Variants in CNTN5 observed in about 807,000 individuals in gnomAD.
CNTN5 encodes contactin-5.
In CNTN5, 77 loss-of-function variants were observed where a neutral mutation model predicts 129.1. The observed-to-expected ratio is 0.60, with a 90% CI of 0.50 to 0.72. CNTN5 has a LOEUF of 0.72. CNTN5 is among the 30% of genes least tolerant of loss of function. The probability of loss-of-function intolerance (pLI) is 0.00; values close to 1 mark genes in which losing one functional copy is unlikely to be tolerated. For missense variants in CNTN5, 1,478 were observed against 1,328.8 expected, an observed-to-expected ratio of 1.11 and a Z score of -1.75; for synonymous variants, 509 against 465.6, an observed-to-expected ratio of 1.09 and a Z score of -1.20.
At chr11:99,455,833 G>A (rs1234799861) in intron 2 of CNTN5, among the ~76,000 whole-genome samples, 2 of 152,128 alleles carry the variant, frequency 1.3e-5, no homozygotes, top group Non-Finnish European at 2.9e-5. Context: ...AAATTTTGAT[G>A]TCATTTAGGC....
At chr11:99,797,397 C>T (rs1480539598) in intron 3 of CNTN5, among the ~76,000 whole-genome samples, 1 of 152,130 alleles carries the variant, frequency 6.6e-6, no homozygotes, top group Non-Finnish European at 1.5e-5. Flanking sequence ...CTTTACACTG[C>T]AGCCTTGCCA....
At chr11:99,441,091 A>G (rs1943811195) in intron 2 of CNTN5, among the ~76,000 whole-genome samples, 1 of 152,168 alleles carries the variant, frequency 6.6e-6, no homozygotes, top group Admixed American at 6.5e-5. Context: ...AGTAGCTGGG[A>G]TTACAGGTAT....
intron 8 of CNTN5, among the ~76,000 whole-genome samples, chr11:99,986,907 G>A (rs1938714228): frequency 6.6e-6 from 1 of 152,118 alleles, no homozygotes. Flanking sequence ...GATGTAATAG[G>A]AATCAAATTG....
chr11:99,143,165 C>T (rs7933061), intron 1 of CNTN5, among the ~76,000 whole-genome samples: 138,260 of 151,946 alleles, frequency 0.91, 63,178 homozygotes, highest in East Asian at 0.99. Flanking sequence ...AGGCAGAAAT[C>T]TTTAACAAGC....
chr11:99,749,875 TG>T (rs1565488284), intron 3 of CNTN5, among the ~76,000 whole-genome samples: 3 of 152,236 alleles, frequency 2.0e-5, no homozygotes, highest in Admixed American at 2.0e-4. Context: ...AACTATGCTT[TG>T]GCCACGGGGA....
rs115207541 is a variant in CNTN5, at chr11:100,002,021, C to G, written c.878-13C>G. On this transcript the variant is annotated splice_polypyrimidine_tract_variant and intron_variant, in intron 8 of 24. Coordinates refer to ENST00000524871, the MANE Select transcript of CNTN5 (RefSeq NM_014361.4). ...ATTCATTTGATGCTTAAAGACTATT[C>G]TTTCTTTCTAAGGTGTGATGGGAGA... The G allele has an allele frequency of 5.2e-4, 794 of 1,530,854 alleles. 3 individuals are homozygous for G. The African/African-American group carries it at 9.9e-3, about 19-fold the overall frequency. 94.8% of individuals were successfully genotyped at this position (1,530,854 alleles called of 1,614,324 possible). A position where few individuals can be genotyped will look rare whatever the true frequency, so the allele number is the denominator to read the frequency against.
At chr11:100,134,333 G>A (rs956627335) in intron 13 of CNTN5, among the ~76,000 whole-genome samples, 4 of 152,168 alleles carry the variant, frequency 2.6e-5, no homozygotes, top group Middle Eastern at 3.4e-3. Context: ...CTGAAAGGGT[G>A]GTATTCTCGA....
chr11:99,176,956 C>T (rs941813876), intron 1 of CNTN5, among the ~76,000 whole-genome samples: 1 of 152,098 alleles, frequency 6.6e-6, no homozygotes, highest in African/African-American at 2.4e-5. Flanking sequence ...ACCTTGACCA[C>T]ATCTTATACT....
chr11:99,440,256 A>G lies in CNTN5; in HGVS notation c.-71+114772A>G, dbSNP rs1031468876. 4.6e-5 allele frequency among the ~76,000 whole-genome samples: 7 copies of G among 152,110 alleles called. No homozygotes were observed. In the South Asian group the frequency reaches 1.0e-3, roughly 22 times the overall value. ...GGGATACTGCTGAGTTAAAAGGGAT[A>G]TATTTTGCTGTTGAAATTTTCTTAT... On this transcript the variant is annotated intron_variant, in intron 2 of 24. Coordinates refer to ENST00000524871, the MANE Select transcript of CNTN5 (RefSeq NM_014361.4).
chr11:99,732,282 T>A (rs1943560641), intron 3 of CNTN5, among the ~76,000 whole-genome samples: 1 of 152,190 alleles, frequency 6.6e-6, no homozygotes. Context: ...TGAGCTGGAA[T>A]GATATCAGGG....
intron 2 of CNTN5, among the ~76,000 whole-genome samples, chr11:99,362,782 C>T (rs1474609674): frequency 6.6e-6 from 1 of 151,824 alleles, no homozygotes; most frequent in African/African-American, 2.4e-5. Flanking sequence ...AAAAGACTGT[C>T]CTTTCTCTGA....
At chr11:99,560,499 C>G (rs1036771990) in intron 3 of CNTN5, among the ~76,000 whole-genome samples, 2 of 151,818 alleles carry the variant, frequency 1.3e-5, no homozygotes, top group African/African-American at 4.8e-5. Context: ...CCATGTTGGC[C>G]AGGCTGGTCT....
intron 2 of CNTN5, among the ~76,000 whole-genome samples, chr11:99,389,192 G>A (rs1941103827): frequency 6.6e-6 from 1 of 151,808 alleles, no homozygotes; most frequent in Non-Finnish European, 1.5e-5. Flanking sequence ...ACCATGCCTA[G>A]CTAATTTTGT....
In CNTN5 at chr11:99,772,009, G is replaced by A. The variant is rs868280297; in HGVS notation, c.56-47535G>A. 5.0e-4 allele frequency among the ~76,000 whole-genome samples: 75 copies of A among 151,294 alleles called. 1 individual carries two copies. Among genetic ancestry groups the A allele is most frequent in the African/African-American group, 1.7e-3 (71 of 41,218 alleles). On this transcript the variant is annotated intron_variant, in intron 3 of 24. Coordinates refer to ENST00000524871, the MANE Select transcript of CNTN5 (RefSeq NM_014361.4). ...CTCTAATAAAAAATATGGGCACTGA[G>A]GGAGTCTATAAAAGAAAGTACAAAT...
chr11:100,072,474 T>C (rs1209329855), intron 12 of CNTN5, among the ~76,000 whole-genome samples: 7 of 152,192 alleles, frequency 4.6e-5, no homozygotes, highest in Admixed American at 4.6e-4. Context: ...AAAGCATATA[T>C]GAGCCATTGG....
At chr11:99,420,427 G>T (rs535441040) in intron 2 of CNTN5, among the ~76,000 whole-genome samples, 1 of 152,250 alleles carries the variant, frequency 6.6e-6, no homozygotes, top group South Asian at 2.1e-4. Flanking sequence ...AGATATTTCA[G>T]TGTTAATGGT....
intron 13 of CNTN5, among the ~76,000 whole-genome samples, chr11:100,102,163 A>T (rs1945245201): frequency 6.6e-6 from 1 of 152,038 alleles, no homozygotes; most frequent in Non-Finnish European, 1.5e-5. Context: ...TGTTTTCTAT[A>T]GTGGTTGTAC....
chr11:100,210,101 C>G (rs543961692), intron 15 of CNTN5, among the ~76,000 whole-genome samples: 2 of 149,508 alleles, frequency 1.3e-5, no homozygotes, highest in Non-Finnish European at 3.0e-5. Context: ...TTTCAGAGGC[C>G]GGGGCCAGTG....
chr11:99,527,940 C>A (rs528271430), intron 2 of CNTN5, among the ~76,000 whole-genome samples: 1 of 152,182 alleles, frequency 6.6e-6, no homozygotes, highest in Non-Finnish European at 1.5e-5. Context: ...TCCAGAGATG[C>A]AAATTTTAGA....
Sources: allele counts gnomAD v4.1 joint callset (sites outside exome capture counted in the v4.1 genomes callset), GRCh38; gene constraint gnomAD v4.1.1; transcripts MANE v1.5; gene names NCBI Gene and HGNC (gene_info 2026-07-23, HGNC 2026-07-21).